WRN: variants seen among roughly 807,000 people sequenced by gnomAD.
The protein encoded by WRN is bifunctional 3'-5' exonuclease/ATP-dependent helicase WRN.
WRN carries 149 observed loss-of-function variants against 180.7 expected under a neutral mutation model. The observed-to-expected ratio is 0.82, with a 90% CI of 0.72 to 0.94. WRN has a LOEUF of 0.94. Ranked by LOEUF, WRN falls within the 40% of genes least tolerant of loss-of-function variation. WRN has a pLI of 0.00. For synonymous variants in WRN, 548 were observed against 568.9 expected (o/e 0.96, Z 0.52); for missense variants, 1,661 against 1,700.1 (o/e 0.98, Z 0.40).
intron 13 of WRN, 37 bp downstream of exon 13, chr8:31,089,002 G>A (rs775930155): frequency 1.3e-5 from 21 of 1,574,074 alleles, no homozygotes; most frequent in Non-Finnish European, 1.8e-5. Flanking sequence ...CACATATTTA[G>A]TATTCTCTTT....
intron 31 of WRN, 125 bp from the exon 32 acceptor site, chr8:31,154,497 AAG>A (rs1220313872): frequency 8.8e-7 from 1 of 1,137,038 alleles, no homozygotes; most frequent in African/African-American, 1.6e-5. Flanking sequence ...TCCCCATAAA[AAG>A]GGAATTATTT....
chr8:31,110,998 C>A (rs187173305), intron 18 of WRN, among the ~76,000 whole-genome samples: 1 of 152,216 alleles, frequency 6.6e-6, no homozygotes, highest in Non-Finnish European at 1.5e-5. Context: ...AGTCAAGAAG[C>A]CTTTGCTAGC....
chr8:31,044,655 A>G (rs942194781), intron 1 of WRN, among the ~76,000 whole-genome samples: 30 of 152,124 alleles, frequency 2.0e-4, no homozygotes, highest in African/African-American at 7.0e-4. Flanking sequence ...GTGCCCGGCC[A>G]ATTTCATTTT....
chr8:31,050,916 T>C (rs1014513049), intron 1 of WRN, among the ~76,000 whole-genome samples: 4 of 152,166 alleles, frequency 2.6e-5, no homozygotes, highest in African/African-American at 9.6e-5. Flanking sequence ...AACCTTTACA[T>C]ATTTTGAATA....
intron 23 of WRN, among the ~76,000 whole-genome samples, chr8:31,127,623 CAG>C (rs1237674930): frequency 1.3e-5 from 2 of 151,786 alleles, no homozygotes. Context: ...AACCAACAAA[CAG>C]TAACTTGCTG....
intron 7 of WRN, among the ~76,000 whole-genome samples, chr8:31,073,600 C>T (rs989412499): frequency 6.6e-6 from 1 of 151,932 alleles, no homozygotes; most frequent in African/African-American, 2.4e-5. Flanking sequence ...AATTCAGATC[C>T]GATGGTAGTT....
chr8:31,059,469 G>A lies in WRN; in HGVS notation c.209+204G>A, dbSNP rs561215638. On this transcript the variant is annotated intron_variant, in intron 3 of 34. Transcript: ENST00000298139. ...AATCTGTCAGTTTGTTCATTCATAA[G>A]CTTTTCTATTACTTCAGACAGTTTT... Among the ~76,000 whole-genome samples, 6 of 152,182 alleles carry A rather than the reference G, an allele frequency of 3.9e-5. 1 individual carries two copies. In the South Asian group the frequency reaches 1.2e-3, roughly 32 times the overall value.
At chr8:31,111,583 C>T (rs761152530) in intron 18 of WRN, 32 bp from the exon 19 acceptor site, 1 of 1,611,750 alleles carries the variant, frequency 6.2e-7, no homozygotes, top group Non-Finnish European at 8.5e-7. Context: ...TGAGCTCTTT[C>T]CTTTTTAAAA....
intron 23 of WRN, chr8:31,131,659 T>C (rs150666892): frequency 6.5e-6 from 1 of 153,490 alleles, no homozygotes; most frequent in Non-Finnish European, 1.5e-5. Context: ...ATCTGCCTCA[T>C]TGGCAAACCG....
chr8:31,096,621 A>G, intron 16 of WRN, 147 bp from the exon 17 acceptor site: 2 of 670,808 alleles, frequency 3.0e-6, no homozygotes, highest in South Asian at 3.8e-5. Flanking sequence ...ATTCTTTTAG[A>G]TTTTCGTGAC....
At chr8:31,097,875 T>C (rs1436370439) in intron 17 of WRN, among the ~76,000 whole-genome samples, 2 of 152,174 alleles carry the variant, frequency 1.3e-5, no homozygotes, top group African/African-American at 4.8e-5. Flanking sequence ...CCACCTTCAG[T>C]TGGCCTAACC....
intron 7 of WRN, among the ~76,000 whole-genome samples, chr8:31,070,296 A>G (rs1812859921): frequency 6.6e-6 from 1 of 151,724 alleles, no homozygotes; most frequent in African/African-American, 2.4e-5. Flanking sequence ...TCATGTACAT[A>G]TGGATGATAT....
At chr8:31,121,489 A>G (rs1319263453) in intron 21 of WRN, among the ~76,000 whole-genome samples, 1 of 152,038 alleles carries the variant, frequency 6.6e-6, no homozygotes, top group Non-Finnish European at 1.5e-5. Flanking sequence ...TCACATAACT[A>G]TGGATACATA....
At chr8:31,074,147 G>T (rs900814884) in intron 7 of WRN, among the ~76,000 whole-genome samples, 3 of 150,698 alleles carry the variant, frequency 2.0e-5, no homozygotes, top group African/African-American at 7.3e-5. Context: ...GGTTGGTCTC[G>T]ATCTCCTGAC....
intron 7 of WRN, among the ~76,000 whole-genome samples, chr8:31,068,550 A>G (rs914752619): frequency 1.3e-5 from 2 of 152,160 alleles, no homozygotes; most frequent in Admixed American, 6.5e-5. Flanking sequence ...TAGCATTGCT[A>G]TGTATTTGGC....
At chr8:31,049,382 A>G (rs2129958187) in intron 1 of WRN, among the ~76,000 whole-genome samples, 1 of 151,756 alleles carries the variant, frequency 6.6e-6, no homozygotes, top group African/African-American at 2.4e-5. Context: ...AAATACAAAA[A>G]TTAGCTGGGC....
intron 1 of WRN, among the ~76,000 whole-genome samples, chr8:31,044,428 C>G (rs1475875121): frequency 7.2e-6 from 1 of 138,782 alleles, no homozygotes; most frequent in Non-Finnish European, 1.5e-5. Context: ...ACGTTTTCAG[C>G]TCACTGCAAC....
chr8:31,123,374 C>T (rs753598052), intron 21 of WRN, among the ~76,000 whole-genome samples: 2 of 152,026 alleles, frequency 1.3e-5, no homozygotes, highest in African/African-American at 2.4e-5. Context: ...TACTATTCTG[C>T]GGCTTCAGGC....
intron 23 of WRN, among the ~76,000 whole-genome samples, chr8:31,126,099 C>T (rs1007190223): frequency 6.6e-6 from 1 of 151,828 alleles, no homozygotes; most frequent in Non-Finnish European, 1.5e-5. Flanking sequence ...ATAAAACTGA[C>T]AGACCAAAAA....
Sources: allele counts gnomAD v4.1 joint callset (sites outside exome capture counted in the v4.1 genomes callset), GRCh38; gene constraint gnomAD v4.1.1; transcripts MANE v1.5; gene names NCBI Gene and HGNC (gene_info 2026-07-23, HGNC 2026-07-21).